LAMB1: variants seen among roughly 807,000 people sequenced by gnomAD.
LAMB1 encodes the protein laminin subunit beta 1.
Under a neutral mutation model 222.3 loss-of-function variants are expected in LAMB1, and 121 were observed. The observed-to-expected ratio is 0.54, with a 90% confidence interval of 0.47 to 0.63. The LOEUF (loss-of-function observed/expected upper bound fraction) is 0.63. Among genes scored for constraint, LAMB1 ranks in the 30% least tolerant of loss-of-function variants. The probability of loss-of-function intolerance (pLI) is 0.00; values close to 1 mark genes in which losing one functional copy is unlikely to be tolerated. For synonymous variants in LAMB1, 794 were observed against 807.2 expected (o/e 0.98, Z 0.28); for missense variants, 2,172 against 2,240.8 (o/e 0.97, Z 0.62).
rs369890673 is a variant in LAMB1 at position 107,940,121 on chromosome 7, C to G, written c.3629G>C (p.Ser1210Thr). 88 of 1,614,094 alleles carry G rather than the reference C, an allele frequency of 5.5e-5. No individual in the cohort carries two copies. The highest frequency in any genetic ancestry group is 6.9e-5 in the Non-Finnish European group (82 of 1,180,052). Reference protein sequence around the residue: ...FLEKAKALKISGVIGPYRETV... With the variant: ...FLEKAKALKITGVIGPYRETV... ...CTCACGGTAAGGCCCGATCACACCACTGATCTTCAAGGCCTTGGCTTTCTC... is the reference window on the plus strand; with the variant it reads ...CTCACGGTAAGGCCCGATCACACCAGTGATCTTCAAGGCCTTGGCTTTCTC... Residue 1210 changes from serine (S) to threonine (T), a missense_variant, in exon 25 of 34, where the codon AGT becomes ACT. Coordinates refer to ENST00000222399, the MANE Select transcript of LAMB1 (RefSeq NM_002291.3).
intron 2 of LAMB1, 189 bp from the exon 3 acceptor site, chr7:108,001,922 G>C: frequency 6.9e-7 from 1 of 1,459,688 alleles, no homozygotes; most frequent in Non-Finnish European, 9.1e-7. Context: ...ACTCCGAAAG[G>C]AGAAGGACAC....
intron 32 of LAMB1, 81 bp downstream of exon 32, chr7:107,926,102 G>T: frequency 9.6e-7 from 1 of 1,039,196 alleles, no homozygotes; most frequent in Non-Finnish European, 1.5e-6. Flanking sequence ...TTAGGTCCAT[G>T]TCCCTTACTC....
At position 107,923,856 on chromosome 7, in the gene LAMB1, A is replaced by C; in HGVS notation, c.*95T>G. 1.1e-5 allele frequency: 12 copies of C among 1,139,642 alleles called. No homozygotes were observed. The highest frequency in any genetic ancestry group is 1.5e-5 in the Non-Finnish European group (12 of 797,710). 70.6% of individuals were successfully genotyped at this position (1,139,642 alleles called of 1,614,324 possible). A position where few individuals can be genotyped will look rare whatever the true frequency, so the allele number is the denominator to read the frequency against. On this transcript the variant is annotated 3_prime_UTR_variant, in exon 34 of 34. Transcript: ENST00000222399. ...CATACAAAATGTGATTAAAAACATT[A>C]AATAGGTGATGTTTTATTTTGAAGA...
chr7:107,979,274 G>A (rs1397963635), intron 8 of LAMB1, among the ~76,000 whole-genome samples: 10 of 152,334 alleles, frequency 6.6e-5, no homozygotes, highest in African/African-American at 2.4e-4. Context: ...CTTCTGTTGT[G>A]CAACAAAAGT....
chr7:107,925,763 C>G (rs1584479686), intron 32 of LAMB1, among the ~76,000 whole-genome samples: 1 of 152,074 alleles, frequency 6.6e-6, no homozygotes, highest in African/African-American at 2.4e-5. Context: ...TTTCCTACTA[C>G]CTGTTCTCTG....
At chr7:107,952,654 A>C (rs2033282897) in intron 22 of LAMB1, among the ~76,000 whole-genome samples, 1 of 152,234 alleles carries the variant, frequency 6.6e-6, no homozygotes, top group Non-Finnish European at 1.5e-5. Context: ...TAAGGCTTTT[A>C]AGGAATCCAG....
At chr7:107,956,425 G>C (rs1160132630) in intron 20 of LAMB1, among the ~76,000 whole-genome samples, 1 of 152,174 alleles carries the variant, frequency 6.6e-6, no homozygotes, top group Non-Finnish European at 1.5e-5. Flanking sequence ...TATTGATGCT[G>C]CTGATCTAGG....
At position 107,960,519 on chromosome 7, in the gene LAMB1, A is replaced by C; in HGVS notation, c.2240T>G (p.Val747Gly). ...GCAAACATCTGTCATCGGTGTTTTC[A>C]CAACGCTTCTGCTGTTCTCTAGACA... Reference protein sequence around the residue: ...YRCLENSRSVVKTPMTDVCRN... With the variant: ...YRCLENSRSVGKTPMTDVCRN... The change falls in exon 18 of 34, where the codon GTG becomes GGG. Residue 747 changes from valine (V) to glycine (G), a missense_variant. By Grantham distance (109) the Val-to-Gly change is moderately radical. Coordinates refer to ENST00000222399, the MANE Select transcript of LAMB1 (RefSeq NM_002291.3). 1 of 1,614,238 alleles carries C rather than the reference A, an allele frequency of 6.2e-7. No homozygotes were observed. Among genetic ancestry groups the C allele is most frequent in the Non-Finnish European group, 8.5e-7 (1 of 1,180,030 alleles).
At chr7:107,931,063 G>T (rs929503620) in intron 29 of LAMB1, among the ~76,000 whole-genome samples, 1 of 152,088 alleles carries the variant, frequency 6.6e-6, no homozygotes, top group Non-Finnish European at 1.5e-5. Context: ...TTTAAGGTTA[G>T]AAATTACTAT....
intron 12 of LAMB1, among the ~76,000 whole-genome samples, chr7:107,973,606 G>A (rs1259945343): frequency 6.6e-6 from 1 of 152,140 alleles, no homozygotes; most frequent in Non-Finnish European, 1.5e-5. Flanking sequence ...GGAGCTCTGT[G>A]CACTTCAAAA....
At chr7:107,925,562 G>A (rs1178844150) in intron 32 of LAMB1, among the ~76,000 whole-genome samples, 4 of 152,010 alleles carry the variant, frequency 2.6e-5, no homozygotes, top group South Asian at 2.1e-4. Context: ...GCCCCACCCC[G>A]GCGCCACCAA....
chr7:107,971,524 T>C (rs1030316609), intron 13 of LAMB1, among the ~76,000 whole-genome samples: 5 of 152,160 alleles, frequency 3.3e-5, no homozygotes, highest in African/African-American at 1.2e-4. Flanking sequence ...AGGCTCACCA[T>C]AAAACACTCT....
chr7:107,953,115 G>C (rs1461606388), intron 22 of LAMB1, among the ~76,000 whole-genome samples: 2 of 152,238 alleles, frequency 1.3e-5, no homozygotes, highest in Admixed American at 1.3e-4. Context: ...CCAGCACTTT[G>C]GAAGGCCGAG....
chr7:107,987,329 G>A (rs983960392), intron 5 of LAMB1, among the ~76,000 whole-genome samples: 3 of 152,126 alleles, frequency 2.0e-5, no homozygotes, highest in Non-Finnish European at 4.4e-5. Context: ...TTTCTGTTTG[G>A]GGTGATGAAA....
chr7:107,973,011 C>G lies in LAMB1; in HGVS notation c.1543G>C (p.Gly515Arg). The part of the protein sequence containing the change: ...DGCRPCDCDL[G>R]GALNNSCFAE... ...ATTTACCTGTTGTTTAAGGCTCCCC[C>G]AAGGTCACAGTCACATGGTCGACAT... The change falls in exon 13 of 34, where the codon GGG becomes CGG. Residue 515 changes from glycine (G) to arginine (R), a missense_variant. Gly to Arg is a moderately radical substitution (Grantham distance 125). Coordinates refer to ENST00000222399, the MANE Select transcript of LAMB1 (RefSeq NM_002291.3). The G allele has an allele frequency of 6.2e-7, 1 of 1,613,970 alleles. No homozygotes were observed. The highest frequency in any genetic ancestry group is 8.5e-7 in the Non-Finnish European group (1 of 1,179,852).
intron 15 of LAMB1, 100 bp from the exon 16 acceptor site, chr7:107,961,776 AC>A: frequency 7.5e-7 from 1 of 1,332,058 alleles, no homozygotes; most frequent in East Asian, 2.5e-5. Context: ...GAAATGGAAA[AC>A]AAACAGTTGC....
intron 4 of LAMB1, among the ~76,000 whole-genome samples, chr7:107,996,994 C>T (rs1310852184): frequency 2.6e-5 from 4 of 152,136 alleles, no homozygotes; most frequent in Non-Finnish European, 4.4e-5. Flanking sequence ...AATATGCCCC[C>T]GTAAGAATGA....
chr7:107,951,387 T>C (rs1307302913), intron 23 of LAMB1, 65 bp from the exon 24 acceptor site: 1 of 1,433,350 alleles, frequency 7.0e-7, no homozygotes, highest in African/African-American at 1.4e-5. Flanking sequence ...TCATCTTTTT[T>C]TTCTAGCTGC....
intron 24 of LAMB1, among the ~76,000 whole-genome samples, chr7:107,946,379 C>G (rs1303174849): frequency 6.6e-6 from 1 of 152,114 alleles, no homozygotes; most frequent in Non-Finnish European, 1.5e-5. Context: ...ATAATTTTAC[C>G]TGCAGAAATG....
Sources: allele counts gnomAD v4.1 joint callset (sites outside exome capture counted in the v4.1 genomes callset), GRCh38; gene constraint gnomAD v4.1.1; transcripts MANE v1.5; gene names NCBI Gene and HGNC (gene_info 2026-07-23, HGNC 2026-07-21).